The following SPATA17 variants were observed in gnomAD, a reference collection of about 807,000 sequenced individuals.
The protein encoded by SPATA17 is spermatogenesis associated 17, also known as spermatogenesis-associated protein 17.
Under a neutral mutation model 62.2 loss-of-function variants are expected in SPATA17, and 53 were observed. The observed-to-expected ratio is 0.85, with a 90% CI of 0.68 to 1.07. SPATA17 has a LOEUF of 1.07. SPATA17 is among the 50% of genes least tolerant of loss of function. The pLI is 0.00. For missense variants in SPATA17, 466 were observed against 425.5 expected, an observed-to-expected ratio of 1.10 and a Z score of -0.84; for synonymous variants, 146 against 146.8, an observed-to-expected ratio of 0.99 and a Z score of 0.04.
At chr1:217,768,411 G>A (rs1445129533) in intron 6 of SPATA17, among the ~76,000 whole-genome samples, 3 of 151,724 alleles carry the variant, frequency 2.0e-5, no homozygotes, top group Non-Finnish European at 4.4e-5. Flanking sequence ...AGAGGCATAT[G>A]GTTTCCCACA....
At position 217,649,207 on chromosome 1, in the gene SPATA17, A is replaced by T. The variant is rs1023629637; in HGVS notation, c.158+236A>T. Among the ~76,000 whole-genome samples, 6 of 152,060 alleles carry T rather than the reference A, an allele frequency of 3.9e-5. No individual in the cohort carries two copies. In the South Asian group the frequency reaches 6.2e-4, roughly 16 times the overall value. ...AAAATTCTCAATATTGGCTGGGCGC[A>T]GTGGCTCACTCCTGTAATCCCAGCA... On this transcript the variant is annotated intron_variant, in intron 2 of 10. Transcript: ENST00000366933.
rs1273984305 is a variant in SPATA17 at position 217,782,194 on chromosome 1, C to T, written c.744C>T (p.Thr248=). Residue 248 remains threonine (T), a synonymous_variant, in exon 8 of 11, where the codon ACC becomes ACT. Transcript: ENST00000366933. Reference sequence around the variant, plus strand: ...GTCAGGGGCCCTTCCGAGATATCACCGAAGTATTAGAACAACGCTACAGGC... The same window carrying T: ...GTCAGGGGCCCTTCCGAGATATCACTGAAGTATTAGAACAACGCTACAGGC... ...KQCQGPFRDI[T]EVLEQRYRPL... The T allele has an allele frequency of 1.1e-5, 17 of 1,598,742 alleles. No individual in the cohort carries two copies. Among genetic ancestry groups the T allele is most frequent in the Middle Eastern group, 1.7e-4 (1 of 5,958 alleles).
intron 6 of SPATA17, among the ~76,000 whole-genome samples, chr1:217,749,883 C>CCTCAATAT (rs1299870737): frequency 6.7e-6 from 1 of 148,596 alleles, no homozygotes; most frequent in Non-Finnish European, 1.5e-5. Flanking sequence ...TGCCTTTGCT[C>CCTCAATAT]CTCAATATGA....
At chr1:217,854,547 G>A (rs568547478) in intron 9 of SPATA17, among the ~76,000 whole-genome samples, 8 of 152,196 alleles carry the variant, frequency 5.3e-5, no homozygotes, top group African/African-American at 1.9e-4. Flanking sequence ...CAACAAACAA[G>A]ACTGATACAA....
At chr1:217,640,061 T>G (rs577573719) in intron 1 of SPATA17, among the ~76,000 whole-genome samples, 1 of 149,414 alleles carries the variant, frequency 6.7e-6, no homozygotes, top group East Asian at 1.9e-4. Flanking sequence ...ATTTATAATA[T>G]TTATAATTAT....
intron 6 of SPATA17, among the ~76,000 whole-genome samples, chr1:217,763,584 G>T (rs1280917828): frequency 1.3e-5 from 2 of 152,166 alleles, no homozygotes; most frequent in Non-Finnish European, 2.9e-5. Context: ...GCTAATGACA[G>T]CTTTTTATTA....
At chr1:217,637,006 C>A (rs1268396484) in intron 1 of SPATA17, among the ~76,000 whole-genome samples, 14 of 152,122 alleles carry the variant, frequency 9.2e-5, no homozygotes, top group Non-Finnish European at 1.2e-4. Flanking sequence ...ACAGAGAAAC[C>A]AGTGGCTGAG....
chr1:217,826,782 C>T lies in SPATA17; in HGVS notation c.1005+24932C>T, dbSNP rs554576771. 1.0e-3 allele frequency among the ~76,000 whole-genome samples: 152 copies of T among 152,024 alleles called. 1 individual carries two copies. In the Middle Eastern group the frequency reaches 0.014, roughly 14 times the overall value. ...ACATAATAATTATGAAATTGCATTCCGAAGTGAGATTTTATGGTTCAAATT... is the reference window on the plus strand; with the variant it reads ...ACATAATAATTATGAAATTGCATTCTGAAGTGAGATTTTATGGTTCAAATT... On this transcript the variant is annotated intron_variant, in intron 9 of 10. Coordinates refer to ENST00000366933, the MANE Select transcript of SPATA17 (RefSeq NM_138796.4).
intron 8 of SPATA17, among the ~76,000 whole-genome samples, chr1:217,795,270 G>A (rs1488149419): frequency 6.7e-6 from 1 of 149,900 alleles, no homozygotes; most frequent in Admixed American, 6.7e-5. Flanking sequence ...TTTTGCAAGT[G>A]TATTCACTCA....
intron 8 of SPATA17, among the ~76,000 whole-genome samples, chr1:217,787,145 C>T (rs1365083766): frequency 1.3e-5 from 2 of 152,080 alleles, no homozygotes; most frequent in African/African-American, 4.8e-5. Context: ...TTCAGCCTCT[C>T]TTCCCCTTTA....
chr1:217,715,875 A>G (rs1671991370), intron 5 of SPATA17, among the ~76,000 whole-genome samples: 1 of 152,152 alleles, frequency 6.6e-6, no homozygotes, highest in Non-Finnish European at 1.5e-5. Flanking sequence ...CTGTTTCAAA[A>G]TATTTATATC....
intron 9 of SPATA17, among the ~76,000 whole-genome samples, chr1:217,810,182 T>C (rs1412699166): frequency 6.6e-6 from 1 of 152,138 alleles, no homozygotes; most frequent in Non-Finnish European, 1.5e-5. Flanking sequence ...TATTTAACCA[T>C]AAAGTAAGCA....
In SPATA17 at chr1:217,782,193, C is replaced by T. The variant is rs768015565; in HGVS notation, c.743C>T (p.Thr248Ile). The change falls in exon 8 of 11, where the codon ACC becomes ATC. Residue 248 changes from threonine (T) to isoleucine (I), a missense_variant. Coordinates refer to ENST00000366933, the MANE Select transcript of SPATA17 (RefSeq NM_138796.4). ...TGTCAGGGGCCCTTCCGAGATATCACCGAAGTATTAGAACAACGCTACAGG... is the reference window on the plus strand; with the variant it reads ...TGTCAGGGGCCCTTCCGAGATATCATCGAAGTATTAGAACAACGCTACAGG... Reference protein sequence around the residue: ...KQCQGPFRDITEVLEQRYRPL... With the variant: ...KQCQGPFRDIIEVLEQRYRPL... The T allele has an allele frequency of 5.0e-6, 8 of 1,599,342 alleles. No individual in the cohort carries two copies. The South Asian group carries it at 7.9e-5, about 16-fold the overall frequency.
At chr1:217,794,777 G>A (rs1295104592) in intron 8 of SPATA17, among the ~76,000 whole-genome samples, 1 of 152,062 alleles carries the variant, frequency 6.6e-6, no homozygotes, top group Non-Finnish European at 1.5e-5. Flanking sequence ...TGTTCTGGAC[G>A]ATAAGCTTCT....
intron 7 of SPATA17, among the ~76,000 whole-genome samples, chr1:217,779,784 T>C (rs1293783635): frequency 6.6e-6 from 1 of 152,136 alleles, no homozygotes; most frequent in Non-Finnish European, 1.5e-5. Context: ...ATTTGTACTC[T>C]AATCAGAGTA....
In SPATA17 at chr1:217,870,650, T is replaced by C. The variant is rs12404176; in HGVS notation, c.*3631T>C. The stretch of plus-strand genomic sequence containing the variant: ...ATTCCTTGATCTTATTCTCCAAACT[T>C]GATTCTGAATGACTACTGACCACTA... On this transcript the variant is annotated 3_prime_UTR_variant, in exon 11 of 11. Coordinates refer to ENST00000366933, the MANE Select transcript of SPATA17 (RefSeq NM_138796.4). The C allele has an allele frequency of 0.24, 37,130 of 151,976 alleles. 5,472 individuals carry two copies. Among genetic ancestry groups the C allele is most frequent in the Admixed American group, 0.35 (5,384 of 15,248 alleles). The allele number at this position is 151,976 out of a possible 1,614,324, so 9.4% of individuals were successfully genotyped here. A position where few individuals can be genotyped will look rare whatever the true frequency, so the allele number is the denominator to read the frequency against.
chr1:217,857,117 CA>C (rs1161403231), intron 9 of SPATA17, among the ~76,000 whole-genome samples: 2 of 152,070 alleles, frequency 1.3e-5, no homozygotes, highest in African/African-American at 4.8e-5. Context: ...CCTTGATTTT[CA>C]TCTTATCTCT....
At chr1:217,668,730 A>C (rs1024767518) in intron 3 of SPATA17, among the ~76,000 whole-genome samples, 1 of 152,202 alleles carries the variant, frequency 6.6e-6, no homozygotes, top group Non-Finnish European at 1.5e-5. Flanking sequence ...GCACTTGTGA[A>C]TATTTCTGCT....
intron 9 of SPATA17, among the ~76,000 whole-genome samples, chr1:217,852,887 A>T (rs1489866119): frequency 2.0e-5 from 3 of 152,094 alleles, no homozygotes; most frequent in African/African-American, 7.2e-5. Context: ...TGAAATTCAA[A>T]GCCCTTTCCC....
Sources: allele counts gnomAD v4.1 joint callset (sites outside exome capture counted in the v4.1 genomes callset), GRCh38; gene constraint gnomAD v4.1.1; transcripts MANE v1.5; gene names NCBI Gene and HGNC (gene_info 2026-07-23, HGNC 2026-07-21).